FBXO41: variants seen among roughly 807,000 people sequenced by gnomAD.
FBXO41 encodes F-box only protein 41.
A neutral mutation model predicts 81.6 loss-of-function variants in FBXO41; 33 were observed. The ratio of observed to expected loss-of-function variants is 0.40; its 90% CI spans 0.31 to 0.54. FBXO41 has a LOEUF of 0.54. FBXO41 is among the 20% of genes least tolerant of loss of function. The probability of loss-of-function intolerance (pLI) is 0.39; values close to 1 mark genes in which losing one functional copy is unlikely to be tolerated. For synonymous variants in FBXO41, 576 were observed against 552.7 expected (o/e 1.04, Z -0.59); for missense variants, 1,107 against 1,236.0 (o/e 0.90, Z 1.56).
At chr2:73,272,455 C>T (rs1226256080) in intron 1 of FBXO41, among the ~76,000 whole-genome samples, 1 of 152,240 alleles carries the variant, frequency 6.6e-6, no homozygotes, top group Non-Finnish European at 1.5e-5. Flanking sequence ...AGGCTGGGAA[C>T]TAAGAGGGAG....
chr2:73,264,751 T>C lies in FBXO41; in HGVS notation c.1565-232A>G, dbSNP rs147400657. On this transcript the variant is annotated intron_variant, in intron 5 of 12. Coordinates refer to ENST00000520530, the MANE Select transcript of FBXO41 (RefSeq NM_001371389.2). ...TGTGTAAACTTCCTTTTTAAGGTTA[T>C]ATATCATTCAAACTCACCCCCTACA... Among the ~76,000 whole-genome samples the C allele has an allele frequency of 2.6e-5, 4 of 152,228 alleles. No homozygotes were observed. In the East Asian group the frequency reaches 7.7e-4, roughly 29 times the overall value.
At chr2:73,278,601 A>G (rs1281931642) in intron 1 of FBXO41, among the ~76,000 whole-genome samples, 1 of 152,232 alleles carries the variant, frequency 6.6e-6, no homozygotes, top group Non-Finnish European at 1.5e-5. Context: ...TAGAGTATAC[A>G]ATTATGAAAT....
At chr2:73,278,156 T>C (rs1350968196) in intron 1 of FBXO41, among the ~76,000 whole-genome samples, 3 of 152,148 alleles carry the variant, frequency 2.0e-5, no homozygotes, top group African/African-American at 7.2e-5. Flanking sequence ...GTCTATGGCC[T>C]TGTGCAACCT....
rs376630159 is a variant in FBXO41 at position 73,271,045 on chromosome 2, C to T, written c.-138-1277G>A. The T allele has an allele frequency of 1.0e-4, 43 of 420,680 alleles. No homozygotes were observed. In the East Asian group the frequency reaches 1.1e-3, roughly 11 times the overall value. The allele number at this position is 420,680 out of a possible 1,614,324, so 26.1% of individuals were successfully genotyped here. ...TTCCTGTTCTTGCTGCCTTCCTAAA[C>T]GTCCTCATTCCCTGAGGTCTGCCTC... On this transcript the variant is annotated intron_variant, in intron 1 of 12. Transcript: ENST00000520530.
chr2:73,268,032 T>C (rs974671588), intron 2 of FBXO41, among the ~76,000 whole-genome samples: 1 of 151,918 alleles, frequency 6.6e-6, no homozygotes, highest in African/African-American at 2.4e-5. Context: ...ACCAGAGAAA[T>C]GAAGAAGATT....
In FBXO41 at chr2:73,265,644, G is replaced by C; in HGVS notation, c.1206-4C>G. On this transcript the variant is annotated splice_region_variant and splice_polypyrimidine_tract_variant and intron_variant, in intron 4 of 12. Coordinates refer to ENST00000520530, the MANE Select transcript of FBXO41 (RefSeq NM_001371389.2). Reference sequence around the variant, plus strand: ...GGCTGGCACACGGCTGGAGGCCCTGGGGCAGGGTGGACCACACAGTAAGGG... The same window carrying C: ...GGCTGGCACACGGCTGGAGGCCCTGCGGCAGGGTGGACCACACAGTAAGGG... 2.0e-6 allele frequency: 3 copies of C among 1,502,534 alleles called. No individual in the cohort carries two copies. The highest frequency in any genetic ancestry group is 1.8e-6 in the Non-Finnish European group (2 of 1,125,492). The allele number at this position is 1,502,534 out of a possible 1,614,324, so 93.1% of individuals were successfully genotyped here. A position where few individuals can be genotyped will look rare whatever the true frequency, so the allele number is the denominator to read the frequency against.
chr2:73,259,406 C>G lies in FBXO41; in HGVS notation c.2450-110G>C. The G allele has an allele frequency of 3.2e-6, 3 of 929,638 alleles. No individual in the cohort carries two copies. The highest frequency in any genetic ancestry group is 5.1e-6 in the Non-Finnish European group (3 of 591,158). The allele number at this position is 929,638 out of a possible 1,614,324, so 57.6% of individuals were successfully genotyped here. On this transcript the variant is annotated intron_variant, in intron 11 of 12. Transcript: ENST00000520530. The surrounding 1 kb of genome is among the most constrained non-coding windows in gnomAD (Gnocchi z 4.2). Reference sequence around the variant, plus strand: ...ACAATCAGGTGCCAGCTACCGGGAACACGACAGAGGAGAGCAGACTCATGC... The same window carrying G: ...ACAATCAGGTGCCAGCTACCGGGAAGACGACAGAGGAGAGCAGACTCATGC...
rs1687764425 is a variant in FBXO41, at chr2:73,255,286, G to A, written c.*3696C>T. ...GAGGTCCCAAGGGTTTGGGGAGGGA[G>A]TCGTTGCCTTAGCTGGCCCTGGTAT... is the stretch of plus-strand genomic sequence containing the variant. On this transcript the variant is annotated 3_prime_UTR_variant, in exon 13 of 13. Coordinates refer to ENST00000520530, the MANE Select transcript of FBXO41 (RefSeq NM_001371389.2). The A allele has an allele frequency of 2.6e-5, 4 of 152,836 alleles. No homozygotes were observed. The South Asian group carries it at 8.3e-4, about 32-fold the overall frequency. The allele number at this position is 152,836 out of a possible 1,614,324, so 9.5% of individuals were successfully genotyped here.
At position 73,271,631 on chromosome 2, in the gene FBXO41, C is replaced by A. The variant is rs374002953; in HGVS notation, c.-138-1863G>T. 9.3e-3 allele frequency: 1,370 copies of A among 147,612 alleles called. 115 individuals are homozygous for A. Among genetic ancestry groups the A allele is most frequent in the African/African-American group, 0.03 (1,192 of 39,344 alleles). The allele number at this position is 147,612 out of a possible 1,614,324, so 9.1% of individuals were successfully genotyped here. A position where few individuals can be genotyped will look rare whatever the true frequency, so the allele number is the denominator to read the frequency against. ...GCCAATCAATTCTGCACTCCCCCCC[C>A]CCCAACTTCTTTTTTTTGAGATGGA... On this transcript the variant is annotated intron_variant, in intron 1 of 12. Coordinates refer to ENST00000520530, the MANE Select transcript of FBXO41 (RefSeq NM_001371389.2).
Position 73,259,210 on chromosome 2 carries a change from G to A in FBXO41, c.2536C>T (p.Leu846=), listed in dbSNP as rs756526388. Residue 846 remains leucine, a synonymous_variant, in exon 12 of 13, where the codon CTG becomes TTG. Transcript: ENST00000520530. The surrounding 1 kb of genome is among the most constrained non-coding windows in gnomAD (Gnocchi z 4.2). ...AGTTTTGTCACCATGTCCTCAAACA[G>A]CTTCTGGGCCTCAGGGCTGCTGGGC... is the stretch of plus-strand genomic sequence containing the variant. ...KEPSSPEAQK[L]FEDMVTKLQA... 6.9e-5 allele frequency: 111 copies of A among 1,613,914 alleles called. No homozygotes were observed. Among genetic ancestry groups the A allele is most frequent in the Non-Finnish European group, 9.3e-5 (110 of 1,179,896 alleles).
chr2:73,257,634 AC>A lies in FBXO41; in HGVS notation c.*1347del. The A allele has an allele frequency of 6.6e-6, 1 of 152,248 alleles. No individual in the cohort carries two copies. Among genetic ancestry groups the A allele is most frequent in the Non-Finnish European group, 1.5e-5 (1 of 68,050 alleles). 9.4% of individuals were successfully genotyped at this position (152,248 alleles called of 1,614,324 possible). ...AACTTTCCAAATGAAAGTTGGCAGGACCCCCGGCCTCTGAGCTACTGTGGGA... is the reference window on the plus strand; with the variant it reads ...AACTTTCCAAATGAAAGTTGGCAGGACCCCGGCCTCTGAGCTACTGTGGGA... On this transcript the variant is annotated 3_prime_UTR_variant, in exon 13 of 13. Transcript: ENST00000520530. This position sits in a 1 kb window ranked among gnomAD's most constrained non-coding sequence, Gnocchi z 4.6.
chr2:73,267,775 T>C (rs1479931600), intron 2 of FBXO41, among the ~76,000 whole-genome samples: 1 of 152,270 alleles, frequency 6.6e-6, no homozygotes, highest in Non-Finnish European at 1.5e-5. Flanking sequence ...AGAGCACTTA[T>C]ATTAGCCTAC....
Position 73,264,064 on chromosome 2 carries a change from G to C in FBXO41, c.1807-11C>G, listed in dbSNP as rs1688130819. On this transcript the variant is annotated splice_polypyrimidine_tract_variant and intron_variant, in intron 6 of 12. Transcript: ENST00000520530. ...CAGCATTGCCAGGAACTGTGGGGGAGGGGAAGGACATTTGGAGATGAAGGG... is the reference window on the plus strand; with the variant it reads ...CAGCATTGCCAGGAACTGTGGGGGACGGGAAGGACATTTGGAGATGAAGGG... 2.5e-6 allele frequency: 4 copies of C among 1,579,290 alleles called. No homozygotes were observed. Among genetic ancestry groups the C allele is most frequent in the Non-Finnish European group, 3.4e-6 (4 of 1,162,192 alleles).
rs1359205001 is a variant in FBXO41 at position 73,269,122 on chromosome 2, G to A, written c.509C>T (p.Thr170Met). 2 of 1,513,492 alleles carry A rather than the reference G, an allele frequency of 1.3e-6. No homozygotes were observed. The highest frequency in any genetic ancestry group is 1.4e-5 in the African/African-American group (1 of 69,560). The allele number at this position is 1,513,492 out of a possible 1,614,324, so 93.8% of individuals were successfully genotyped here. ...GCCGGGGCCGGGGCCAGGCGGCGGC[G>A]TCGAGCACGCCGAGGACGCCACGGA... ...RKSVASSACS[T>M]PPPGPGPGPC... The change falls in exon 2 of 13, where the codon ACG becomes ATG. Residue 170 changes from threonine to methionine, a missense_variant. By Grantham distance (81) the Thr-to-Met change is moderately conservative. This residue lies in a region of FBXO41 where 771 missense variants were observed against 789.2 expected (regional missense o/e 0.98). Coordinates refer to ENST00000520530, the MANE Select transcript of FBXO41 (RefSeq NM_001371389.2). This position sits in a 1 kb window ranked among gnomAD's most constrained non-coding sequence, Gnocchi z 7.0.
At chr2:73,281,103 G>A (rs1688834269) in intron 1 of FBXO41, among the ~76,000 whole-genome samples, 1 of 152,202 alleles carries the variant, frequency 6.6e-6, no homozygotes, top group Non-Finnish European at 1.5e-5. Context: ...CTTAGGGCTT[G>A]TCTGCTTCAT....
intron 1 of FBXO41, among the ~76,000 whole-genome samples, chr2:73,280,412 G>C (rs919488402): frequency 4.6e-5 from 7 of 152,164 alleles, no homozygotes; most frequent in Non-Finnish European, 7.3e-5. Flanking sequence ...ATTTCAGAAG[G>C]CTGGCCATCT....
chr2:73,259,418 G>T lies in FBXO41; in HGVS notation c.2450-122C>A. On this transcript the variant is annotated intron_variant, in intron 11 of 12. Coordinates refer to ENST00000520530, the MANE Select transcript of FBXO41 (RefSeq NM_001371389.2). This position sits in a 1 kb window ranked among gnomAD's most constrained non-coding sequence, Gnocchi z 4.2. ...CAGCTACCGGGAACACGACAGAGGAGAGCAGACTCATGCCACCTGGGGGCT... is the reference window on the plus strand; with the variant it reads ...CAGCTACCGGGAACACGACAGAGGATAGCAGACTCATGCCACCTGGGGGCT... 1 of 821,220 alleles carries T rather than the reference G, an allele frequency of 1.2e-6. No individual in the cohort carries two copies. Among genetic ancestry groups the T allele is most frequent in the East Asian group, 2.6e-5 (1 of 38,026 alleles). The allele number at this position is 821,220 out of a possible 1,614,324, so 50.9% of individuals were successfully genotyped here.
intron 5 of FBXO41, 136 bp from the exon 6 acceptor site, chr2:73,264,655 A>C: frequency 3.1e-6 from 4 of 1,304,312 alleles, no homozygotes; most frequent in South Asian, 1.4e-5. Context: ...GAGGAAGGAA[A>C]AGGGGCCTCT....
chr2:73,265,643 G>A lies in FBXO41; in HGVS notation c.1206-3C>T. On this transcript the variant is annotated splice_region_variant and splice_polypyrimidine_tract_variant and intron_variant, in intron 4 of 12. Coordinates refer to ENST00000520530, the MANE Select transcript of FBXO41 (RefSeq NM_001371389.2). ...CGGCTGGCACACGGCTGGAGGCCCT[G>A]GGGCAGGGTGGACCACACAGTAAGG... The A allele has an allele frequency of 6.7e-7, 1 of 1,502,008 alleles. No individual in the cohort carries two copies. Among genetic ancestry groups the A allele is most frequent in the Non-Finnish European group, 8.9e-7 (1 of 1,125,294 alleles). 93.0% of individuals were successfully genotyped at this position (1,502,008 alleles called of 1,614,324 possible).
Sources: gnomAD v4.1 joint callset for allele counts (sites outside exome capture counted in the v4.1 genomes callset) on GRCh38, gnomAD v4.1.1 for gene constraint, gnomAD v4.1.1 regional missense constraint, Gnocchi (gnomAD v3.1) non-coding constraint, MANE v1.5 for transcripts, NCBI Gene and HGNC (gene_info 2026-07-23, HGNC 2026-07-21) for gene names.